The following SYT2 variants were observed in gnomAD, a reference collection of about 807,000 sequenced individuals.
SYT2 encodes the protein synaptotagmin 2, also known as synaptotagmin-2.
Under a neutral mutation model 39.9 loss-of-function variants are expected in SYT2, and 15 were observed. That is an observed-to-expected ratio of 0.38 (90% CI 0.25 to 0.58). The LOEUF (loss-of-function observed/expected upper bound fraction) is 0.58. SYT2 is among the 20% of genes least tolerant of loss of function. The pLI, the probability that SYT2 is intolerant of heterozygous loss-of-function variation, is 0.70. For missense variants in SYT2, 389 were observed against 530.3 expected (o/e 0.73, Z 2.62); for synonymous variants, 181 against 204.5 (o/e 0.89, Z 0.98).
chr1:202,612,496 T>C (rs1326832024), intron 1 of SYT2, among the ~76,000 whole-genome samples: 1 of 152,134 alleles, frequency 6.6e-6, no homozygotes, highest in East Asian at 1.9e-4. Flanking sequence ...GCCTTCTGAG[T>C]AGCTAGGACT....
In SYT2 at chr1:202,603,091, T is replaced by G; in HGVS notation, c.373A>C (p.Thr125Pro). Residue 125 changes from threonine (T) to proline (P), a missense_variant, in exon 4 of 9, where the codon ACT becomes CCT. This residue lies in a region of SYT2 where 280 missense variants were observed against 335.6 expected (regional missense o/e 0.83). Transcript: ENST00000367268. ...TCCTCCCCTTCACCTTCCCCCTCAG[T>G]CAGGCCTGTCTCTGCGTCGTCGTCA... ...QDDDDAETGL[T>P]EGEGEGEEEK... is the part of the protein sequence containing the mutation. The G allele has an allele frequency of 6.2e-7, 1 of 1,613,996 alleles. No homozygotes were observed.
intron 1 of SYT2, among the ~76,000 whole-genome samples, chr1:202,647,125 T>C (rs547104738): frequency 6.6e-6 from 1 of 152,230 alleles, no homozygotes; most frequent in South Asian, 2.1e-4. Flanking sequence ...ATGATCTCTA[T>C]CAGCATCCTC....
chr1:202,635,575 G>A lies in SYT2; in HGVS notation c.-17-29786C>T, dbSNP rs544134762. ...AAGAAACCTCATCTCTGGGGCTCTTGGTAAAATGATATTCAGGAAGAAGCT... is the reference window on the plus strand; with the variant it reads ...AAGAAACCTCATCTCTGGGGCTCTTAGTAAAATGATATTCAGGAAGAAGCT... On this transcript the variant is annotated intron_variant, in intron 1 of 8. Coordinates refer to ENST00000367268, the MANE Select transcript of SYT2 (RefSeq NM_177402.5). 9.9e-5 allele frequency among the ~76,000 whole-genome samples: 15 copies of A among 152,254 alleles called. 1 individual carries two copies. Among genetic ancestry groups the A allele is most frequent in the South Asian group, 4.2e-4 (2 of 4,818 alleles).
At chr1:202,643,206 C>A (rs1691972072) in intron 1 of SYT2, 1 of 151,394 alleles carries the variant, frequency 6.6e-6, no homozygotes, top group Admixed American at 6.6e-5. Flanking sequence ...TGGCCACTGT[C>A]GGTCGAGGCA....
In SYT2 at chr1:202,623,908, T is replaced by C. The variant is rs1478663420; in HGVS notation, c.-17-18119A>G. Among the ~76,000 whole-genome samples the C allele has an allele frequency of 3.3e-5, 5 of 152,200 alleles. No homozygotes were observed. Among genetic ancestry groups the C allele is most frequent in the African/African-American group, 9.7e-5 (4 of 41,446 alleles). ...CCACAGTGTGAGCAGCTCTGCCTCA[T>C]GTGAGGCACACAGCACCTTCCAGCA... On this transcript the variant is annotated intron_variant, in intron 1 of 8. Transcript: ENST00000367268. The surrounding 1 kb of genome is among the most constrained non-coding windows in gnomAD (Gnocchi z 4.2).
chr1:202,684,465 C>T (rs1653608879), intron 1 of SYT2, among the ~76,000 whole-genome samples: 1 of 152,130 alleles, frequency 6.6e-6, no homozygotes, highest in Non-Finnish European at 1.5e-5. Flanking sequence ...AAAAAAACAG[C>T]ATCTCCTTCT....
intron 1 of SYT2, among the ~76,000 whole-genome samples, chr1:202,630,870 C>G (rs1691566668): frequency 6.6e-6 from 1 of 152,226 alleles, no homozygotes; most frequent in Admixed American, 6.5e-5. Flanking sequence ...CCTCCCTGCT[C>G]TGGGCCAGAG....
At chr1:202,707,616 G>A (rs534789914) in intron 1 of SYT2, among the ~76,000 whole-genome samples, 1 of 152,302 alleles carries the variant, frequency 6.6e-6, no homozygotes, top group East Asian at 1.9e-4. Context: ...ATTCTTCCAG[G>A]CAAATGAAGC....
chr1:202,638,247 TC>T (rs1318327171), intron 1 of SYT2, among the ~76,000 whole-genome samples: 1 of 146,480 alleles, frequency 6.8e-6, no homozygotes, highest in Non-Finnish European at 1.5e-5. Flanking sequence ...TTGCCCCTCC[TC>T]CCCCCCAGCC....
intron 1 of SYT2, among the ~76,000 whole-genome samples, chr1:202,647,222 C>T (rs1296072846): frequency 6.6e-6 from 1 of 152,242 alleles, no homozygotes; most frequent in Admixed American, 6.5e-5. Flanking sequence ...TAAGTCCCTC[C>T]TCTACAGAAA....
intron 1 of SYT2, among the ~76,000 whole-genome samples, chr1:202,672,613 T>C (rs1414784749): frequency 3.4e-5 from 5 of 148,940 alleles, no homozygotes; most frequent in African/African-American, 1.2e-4. Context: ...ATCTCAAGTT[T>C]AACACAGCTG....
At chr1:202,679,698 G>C (rs1366158822) in intron 1 of SYT2, among the ~76,000 whole-genome samples, 3 of 152,164 alleles carry the variant, frequency 2.0e-5, no homozygotes, top group Non-Finnish European at 4.4e-5. Context: ...ATGTCTGCCA[G>C]AGTGAACTTT....
chr1:202,662,290 CT>C (rs1692396623), intron 1 of SYT2, among the ~76,000 whole-genome samples: 1 of 152,240 alleles, frequency 6.6e-6, no homozygotes, highest in Admixed American at 6.5e-5. Flanking sequence ...TGTTTTTCCC[CT>C]ATCTCTGCAG....
At chr1:202,641,303 C>T (rs1198733150) in intron 1 of SYT2, among the ~76,000 whole-genome samples, 1 of 152,234 alleles carries the variant, frequency 6.6e-6, no homozygotes, top group Non-Finnish European at 1.5e-5. Context: ...AGACCACCTG[C>T]TCCCATCACC....
At chr1:202,644,404 G>A (rs1460686254) in intron 1 of SYT2, among the ~76,000 whole-genome samples, 2 of 152,174 alleles carry the variant, frequency 1.3e-5, no homozygotes, top group East Asian at 1.9e-4. Context: ...AGGGAGGACC[G>A]AGAGCCTGGG....
chr1:202,609,736 T>G (rs111292205), intron 1 of SYT2, among the ~76,000 whole-genome samples: 1 of 152,218 alleles, frequency 6.6e-6, no homozygotes, highest in African/African-American at 2.4e-5. Flanking sequence ...TTGATGGGGT[T>G]GTTTTTTTCT....
intron 1 of SYT2, among the ~76,000 whole-genome samples, chr1:202,671,133 G>C (rs2149109215): frequency 6.6e-6 from 1 of 152,370 alleles, no homozygotes; most frequent in East Asian, 1.9e-4. Context: ...ACCCCTGTGA[G>C]GGGCAATAGG....
intron 1 of SYT2, among the ~76,000 whole-genome samples, chr1:202,646,984 G>A (rs1055700393): frequency 2.0e-5 from 3 of 152,194 alleles, no homozygotes; most frequent in African/African-American, 7.2e-5. Flanking sequence ...TGCCGTCCAA[G>A]CACAGGATTC....
At chr1:202,683,740 TA>T (rs36091072) in intron 1 of SYT2, among the ~76,000 whole-genome samples, 53 of 132,514 alleles carry the variant, frequency 4.0e-4, no homozygotes, top group East Asian at 1.1e-3. Context: ...AGACCCTGTT[TA>T]AAAAAAAAAA....
Sources: allele counts gnomAD v4.1 joint callset (sites outside exome capture counted in the v4.1 genomes callset), GRCh38; gene constraint gnomAD v4.1.1; regional missense constraint gnomAD v4.1.1; non-coding constraint Gnocchi (gnomAD v3.1); transcripts MANE v1.5; gene names NCBI Gene and HGNC (gene_info 2026-07-23, HGNC 2026-07-21).